LINGO2: variants seen among roughly 807,000 people sequenced by gnomAD.
The protein encoded by LINGO2 is leucine rich repeat and Ig domain containing 2, also known as leucine-rich repeat and immunoglobulin-like domain-containing nogo receptor-interacting protein 2.
A neutral mutation model predicts 30.6 loss-of-function variants in LINGO2; 14 were observed. The ratio of observed to expected loss-of-function variants is 0.46; its 90% CI spans 0.30 to 0.72. The LOEUF is 0.72. Among genes scored for constraint, LINGO2 ranks in the 30% least tolerant of loss-of-function variants. LINGO2 has a pLI of 0.07. For synonymous variants in LINGO2, 317 were observed against 288.5 expected, an observed-to-expected ratio of 1.10 and a Z score of -1.00; for missense variants, 729 against 751.7, an observed-to-expected ratio of 0.97 and a Z score of 0.35.
At chr9:28,489,896 CAAAAAAAAAAAA>C (rs36068240) in intron 1 of LINGO2, among the ~76,000 whole-genome samples, 17 of 66,920 alleles carry the variant, frequency 2.5e-4, no homozygotes, top group Admixed American at 5.7e-4. Context: ...GACTTTGTCT[CAAAAAAAAAAAA>C]AAAAAAAAAA....
chr9:28,040,424 GT>G (rs762768949), intron 4 of LINGO2, among the ~76,000 whole-genome samples: 7,224 of 124,306 alleles, frequency 0.058, 192 homozygotes, highest in South Asian at 0.14. Flanking sequence ...ACAGCTTGAA[GT>G]TTTTTTTTTT....
intron 1 of LINGO2, among the ~76,000 whole-genome samples, chr9:28,477,384 T>C (rs1350450642): frequency 6.6e-6 from 1 of 152,094 alleles, no homozygotes; most frequent in Non-Finnish European, 1.5e-5. Flanking sequence ...TTATTCAAGA[T>C]CCACAGCTAG....
intron 4 of LINGO2, among the ~76,000 whole-genome samples, chr9:28,111,447 G>A (rs187432041): frequency 9.2e-5 from 14 of 151,874 alleles, no homozygotes; most frequent in East Asian, 3.9e-4. Context: ...GACATCATGC[G>A]TTCCTCCTAT....
At chr9:28,903,836 T>C in the LINGO2 span, among the ~76,000 whole-genome samples, 1 of 152,062 alleles carries the variant, frequency 6.6e-6, no homozygotes, top group Non-Finnish European at 1.5e-5. Flanking sequence ...TCCAAAGCAC[T>C]GAAGAAGAGG....
intron 1 of LINGO2, among the ~76,000 whole-genome samples, chr9:28,488,289 A>G (rs930226530): frequency 1.3e-5 from 2 of 152,208 alleles, no homozygotes; most frequent in African/African-American, 4.8e-5. Context: ...AAACTTTAAG[A>G]GATGTAATGA....
chr9:29,055,302 G>T, the LINGO2 span, among the ~76,000 whole-genome samples: 1 of 152,136 alleles, frequency 6.6e-6, no homozygotes, highest in Admixed American at 6.5e-5. Flanking sequence ...CTTATACCTA[G>T]TGTAGAATAT....
At chr9:28,750,187 C>A in the LINGO2 span, among the ~76,000 whole-genome samples, 24 of 152,234 alleles carry the variant, frequency 1.6e-4, 1 homozygote, top group African/African-American at 5.3e-4. Flanking sequence ...GCACTAGAAT[C>A]TGTAGAACTA....
intron 1 of LINGO2, among the ~76,000 whole-genome samples, chr9:28,585,056 T>A (rs1389143574): frequency 2.6e-5 from 4 of 151,968 alleles, no homozygotes. Context: ...ATCATGGAAC[T>A]GTTAAAAAGA....
intron 4 of LINGO2, among the ~76,000 whole-genome samples, chr9:28,028,071 G>C (rs1823471211): frequency 1.3e-5 from 2 of 152,068 alleles, no homozygotes; most frequent in South Asian, 4.1e-4. Context: ...CAAGAATTCA[G>C]AGAAGAAAAT....
the LINGO2 span, among the ~76,000 whole-genome samples, chr9:28,885,318 C>G: frequency 1.4e-5 from 2 of 147,976 alleles, no homozygotes; most frequent in African/African-American, 5.0e-5. Context: ...GCAAATGGGA[C>G]TAGGCTGGAC....
chr9:28,297,543 C>G (rs1285529452), intron 3 of LINGO2, among the ~76,000 whole-genome samples: 1 of 152,166 alleles, frequency 6.6e-6, no homozygotes, highest in Admixed American at 6.5e-5. Context: ...TACATCCAAT[C>G]AAGATGATTA....
At chr9:28,718,461 C>T in the LINGO2 span, among the ~76,000 whole-genome samples, 13 of 152,136 alleles carry the variant, frequency 8.5e-5, no homozygotes, top group South Asian at 2.1e-4. Context: ...CAGACAATTT[C>T]GAAATTATAC....
chr9:29,082,419 A>G, the LINGO2 span, among the ~76,000 whole-genome samples: 1 of 152,216 alleles, frequency 6.6e-6, no homozygotes, highest in African/African-American at 2.4e-5. Flanking sequence ...CATCTTATAC[A>G]AAAATTAATT....
At chr9:28,317,644 T>TA (rs529170604) in intron 3 of LINGO2, among the ~76,000 whole-genome samples, 88 of 152,214 alleles carry the variant, frequency 5.8e-4, no homozygotes, top group African/African-American at 1.9e-3. Context: ...AACAGAGTGT[T>TA]AAAAAAAGAT....
intron 4 of LINGO2, among the ~76,000 whole-genome samples, chr9:28,047,909 G>A (rs1285399273): frequency 6.6e-6 from 1 of 150,770 alleles, no homozygotes; most frequent in Non-Finnish European, 1.5e-5. Context: ...GAAATTTACA[G>A]ATTTAGTGCA....
intron 4 of LINGO2, among the ~76,000 whole-genome samples, chr9:28,095,836 C>A (rs968892755): frequency 6.6e-5 from 10 of 152,134 alleles, no homozygotes; most frequent in African/African-American, 2.4e-4. Flanking sequence ...ACATCAGAAT[C>A]TACAATGAAC....
intron 1 of LINGO2, among the ~76,000 whole-genome samples, chr9:28,634,545 G>A (rs1380775551): frequency 1.3e-5 from 2 of 148,750 alleles, no homozygotes; most frequent in East Asian, 4.0e-4. Flanking sequence ...GAGTGCAGTG[G>A]CACAATCTCA....
At chr9:28,884,182 A>AT in the LINGO2 span, among the ~76,000 whole-genome samples, 129,420 of 151,928 alleles carry the variant, frequency 0.85, 55,302 homozygotes, top group Non-Finnish European at 0.89. Flanking sequence ...TTTCACTGTT[A>AT]TTTTCCCTTA....
At chr9:28,064,695 T>C (rs1028221783) in intron 4 of LINGO2, among the ~76,000 whole-genome samples, 1 of 152,078 alleles carries the variant, frequency 6.6e-6, no homozygotes, top group Non-Finnish European at 1.5e-5. Flanking sequence ...AACATGGCAG[T>C]TTGCATGAAA....
Sources: allele counts gnomAD v4.1 joint callset (sites outside exome capture counted in the v4.1 genomes callset), GRCh38; gene constraint gnomAD v4.1.1; transcripts MANE v1.5; gene names NCBI Gene and HGNC (gene_info 2026-07-23, HGNC 2026-07-21).